Variants in MAP2K1 observed in about 807,000 individuals in gnomAD.
MAP2K1 encodes the protein dual specificity mitogen-activated protein kinase kinase 1.
MAP2K1 carries 16 observed loss-of-function variants against 46.3 expected under a neutral mutation model. The observed-to-expected ratio is 0.35, with a 90% confidence interval of 0.23 to 0.52. The LOEUF (loss-of-function observed/expected upper bound fraction) is 0.52. MAP2K1 is among the 20% of genes least tolerant of loss of function. The pLI is 0.94. For synonymous variants in MAP2K1, 183 were observed against 185.6 expected (o/e 0.99, Z 0.11); for missense variants, 263 against 497.1 (o/e 0.53, Z 4.48).
At position 66,436,818 on chromosome 15, in the gene MAP2K1, A is replaced by C. The variant is rs876657651; in HGVS notation, c.364A>C (p.Asn122His). The stretch of plus-strand genomic sequence containing the variant: ...GGAGCTGCAGGTTCTGCATGAGTGC[A>C]ACTCTCCGTACATCGTGGGCTTCTA... ...IRELQVLHEC[N>H]SPYIVGFYGA... The change falls in exon 3 of 11, where the codon AAC becomes CAC. Residue 122 changes from asparagine to histidine, a missense_variant. Transcript: ENST00000307102. 1 of 1,614,200 alleles carries C rather than the reference A, an allele frequency of 6.2e-7. No homozygotes were observed. The highest frequency in any genetic ancestry group is 8.5e-7 in the Non-Finnish European group (1 of 1,180,030).
chr15:66,470,094 GTTTTTTTTTT>G (rs55637393), intron 5 of MAP2K1, among the ~76,000 whole-genome samples: 2 of 76,606 alleles, frequency 2.6e-5, no homozygotes, highest in African/African-American at 4.7e-5. Context: ...TTTTTTTCTT[GTTTTTTTTTT>G]TTTTTTTTTT....
intron 7 of MAP2K1, 42 bp downstream of exon 7, chr15:66,485,233 G>C (rs200724966): frequency 3.8e-6 from 6 of 1,577,180 alleles, no homozygotes; most frequent in African/African-American, 1.4e-5. Context: ...TGTTGGAGGG[G>C]AGGGTCCCTT....
intron 9 of MAP2K1, 173 bp from the exon 10 acceptor site, chr15:66,489,545 G>T (rs749382971): frequency 1.4e-6 from 1 of 717,676 alleles, no homozygotes; most frequent in Non-Finnish European, 2.5e-6. Context: ...GTTTAACTCA[G>T]CAAGAATGTA....
rs727504413 is a variant in MAP2K1 at position 66,387,403 on chromosome 15, C to G, written c.56C>G (p.Ala19Gly). 7.7e-6 allele frequency: 12 copies of G among 1,563,458 alleles called. No homozygotes were observed. In the African/African-American group the frequency reaches 1.6e-4, roughly 21 times the overall value. ...CTGAACCCGGCCCCCGACGGCTCTG[C>G]AGTTAACGGGACCAGCTCTGCGGAG... Reference protein sequence around the residue: ...IQLNPAPDGSAVNGTSSAETN... With the variant: ...IQLNPAPDGSGVNGTSSAETN... Residue 19 changes from alanine to glycine, a missense_variant, in exon 1 of 11, where the codon GCA becomes GGA. Ala to Gly is a moderately conservative substitution (Grantham distance 60). This residue lies in a region of MAP2K1 where 31 missense variants were observed against 29.9 expected (regional missense o/e 1.04). Coordinates refer to ENST00000307102, the MANE Select transcript of MAP2K1 (RefSeq NM_002755.4).
At chr15:66,449,018 A>AAC (rs1161440631) in intron 5 of MAP2K1, among the ~76,000 whole-genome samples, 1 of 150,818 alleles carries the variant, frequency 6.6e-6, no homozygotes, top group African/African-American at 2.4e-5. Context: ...AAAAAAAAAA[A>AAC]AAAAAAAAAA....
At chr15:66,430,080 A>G (rs1421229594) in intron 1 of MAP2K1, among the ~76,000 whole-genome samples, 3 of 152,126 alleles carry the variant, frequency 2.0e-5, no homozygotes, top group African/African-American at 7.2e-5. Context: ...AACTTACCCA[A>G]GATCTCACAG....
At chr15:66,444,968 C>T in intron 5 of MAP2K1, 1 of 498,426 alleles carries the variant, frequency 2.0e-6, no homozygotes, top group South Asian at 2.1e-5. Flanking sequence ...CCTCAACCAG[C>T]ACTTAGTTAC....
At chr15:66,418,750 C>T (rs1379068429) in intron 1 of MAP2K1, among the ~76,000 whole-genome samples, 1 of 151,812 alleles carries the variant, frequency 6.6e-6, no homozygotes, top group Non-Finnish European at 1.5e-5. Context: ...GCAAGCTCCG[C>T]CTCCCGGGTT....
intron 1 of MAP2K1, among the ~76,000 whole-genome samples, chr15:66,419,043 T>C (rs1470324482): frequency 1.4e-5 from 2 of 147,408 alleles, no homozygotes; most frequent in African/African-American, 5.0e-5. Flanking sequence ...CTTGGCTCAC[T>C]GCAACCTCTG....
intron 8 of MAP2K1, among the ~76,000 whole-genome samples, 179 bp downstream of exon 8, chr15:66,487,471 T>C (rs1893081637): frequency 6.6e-6 from 1 of 152,080 alleles, no homozygotes; most frequent in Non-Finnish European, 1.5e-5. Flanking sequence ...AAACCCCATC[T>C]CTACTAAAAA....
Position 66,489,883 on chromosome 15 carries a change from C to G in MAP2K1, c.1068+120C>G, listed in dbSNP as rs935148368. The G allele has an allele frequency of 5.7e-6, 5 of 883,424 alleles. No homozygotes were observed. The African/African-American group carries it at 8.2e-5, about 14-fold the overall frequency. The allele number at this position is 883,424 out of a possible 1,614,324, so 54.7% of individuals were successfully genotyped here. A position where few individuals can be genotyped will look rare whatever the true frequency, so the allele number is the denominator to read the frequency against. ...CCCTGCCCACTGTGGTCCAGCTGAG[C>G]CTGGGGCTGCAGAATACCAAACACC... On this transcript the variant is annotated intron_variant, in intron 10 of 10. Transcript: ENST00000307102.
chr15:66,413,911 C>CTTTTTTT (rs10649963), intron 1 of MAP2K1, among the ~76,000 whole-genome samples: 1 of 111,502 alleles, frequency 9.0e-6, no homozygotes. Flanking sequence ...TCTTCTTCTT[C>CTTTTTTT]TTTTTTTTTT....
chr15:66,407,065 G>A (rs2093399184), intron 1 of MAP2K1, among the ~76,000 whole-genome samples: 1 of 152,150 alleles, frequency 6.6e-6, no homozygotes, highest in African/African-American at 2.4e-5. Context: ...CTCTGACACA[G>A]GGTTTTCCAA....
intron 5 of MAP2K1, chr15:66,453,558 C>T (rs1268893260): frequency 1.4e-6 from 1 of 702,310 alleles, no homozygotes. Flanking sequence ...GTAGGTGATT[C>T]CTGGAAACCT....
At chr15:66,394,670 C>A (rs1461135756) in intron 1 of MAP2K1, among the ~76,000 whole-genome samples, 3 of 152,080 alleles carry the variant, frequency 2.0e-5, no homozygotes, top group African/African-American at 7.2e-5. Flanking sequence ...AGGCTGGGCT[C>A]AAACTCCTTG....
At chr15:66,478,475 CAGGTGTATATATAG>C (rs1312994509) in intron 5 of MAP2K1, among the ~76,000 whole-genome samples, 13 of 126,052 alleles carry the variant, frequency 1.0e-4, no homozygotes, top group East Asian at 4.1e-4. Context: ...TATATATATA[CAGGTGTATATATAG>C]AGGTATATAT....
chr15:66,465,381 G>A (rs1567019596), intron 5 of MAP2K1, among the ~76,000 whole-genome samples: 1 of 152,114 alleles, frequency 6.6e-6, no homozygotes, highest in East Asian at 1.9e-4. Context: ...GAGCAAGTGG[G>A]GTACACGACT....
At chr15:66,397,137 TG>T in intron 1 of MAP2K1, among the ~76,000 whole-genome samples, 1 of 151,198 alleles carries the variant, frequency 6.6e-6, no homozygotes, top group East Asian at 2.0e-4. Context: ...CCCGAGTAGC[TG>T]GGACTACAGG....
At chr15:66,405,376 C>T (rs1566997577) in intron 1 of MAP2K1, among the ~76,000 whole-genome samples, 1 of 152,198 alleles carries the variant, frequency 6.6e-6, no homozygotes, top group Non-Finnish European at 1.5e-5. Flanking sequence ...TTCAAGGGCT[C>T]AGTGTCCATG....
Sources: allele counts gnomAD v4.1 joint callset (sites outside exome capture counted in the v4.1 genomes callset), GRCh38; gene constraint gnomAD v4.1.1; regional missense constraint gnomAD v4.1.1; transcripts MANE v1.5; gene names NCBI Gene and HGNC (gene_info 2026-07-23, HGNC 2026-07-21).